The following MAVS variants were observed in gnomAD, a reference collection of about 807,000 sequenced individuals.
MAVS encodes the protein mitochondrial antiviral signaling protein.
A neutral mutation model predicts 30.2 loss-of-function variants in MAVS; 20 were observed. The ratio of observed to expected loss-of-function variants is 0.66; its 90% CI spans 0.47 to 0.96. MAVS has a LOEUF of 0.96. Among genes scored for constraint, MAVS ranks in the 40% least tolerant of loss-of-function variants. The pLI, the probability that MAVS is intolerant of heterozygous loss-of-function variation, is 0.00. For synonymous variants in MAVS, 278 were observed against 293.9 expected (o/e 0.95, Z 0.55); for missense variants, 624 against 701.1 (o/e 0.89, Z 1.24).
chr20:3,852,430 T>A (rs915595076), intron 1 of MAVS, among the ~76,000 whole-genome samples: 1 of 152,184 alleles, frequency 6.6e-6, no homozygotes, highest in Non-Finnish European at 1.5e-5. Flanking sequence ...GATCCGATTA[T>A]TATCATGTTG....
In MAVS at chr20:3,867,184, G is replaced by A. The variant is rs549075964; in HGVS notation, c.*1037G>A. ...TGCAGCACAGGCAGCCTAGGCCTGC[G>A]TCCCAACCTGCCTCTCACCAGCTCT... On this transcript the variant is annotated 3_prime_UTR_variant, in exon 7 of 7. Transcript: ENST00000428216. The A allele has an allele frequency of 3.8e-4, 150 of 394,906 alleles. 1 individual carries two copies. The highest frequency in any genetic ancestry group is 2.6e-3 in the African/African-American group (126 of 48,596). 24.5% of individuals were successfully genotyped at this position (394,906 alleles called of 1,614,324 possible). A position where few individuals can be genotyped will look rare whatever the true frequency, so the allele number is the denominator to read the frequency against.
At chr20:3,860,240 T>C (rs1240082056) in intron 3 of MAVS, among the ~76,000 whole-genome samples, 4 of 151,354 alleles carry the variant, frequency 2.6e-5, no homozygotes, top group Admixed American at 2.0e-4. Context: ...CAATTCCTTT[T>C]TTTTTGAGAC....
intron 5 of MAVS, among the ~76,000 whole-genome samples, chr20:3,864,011 C>G (rs2089885811): frequency 6.6e-6 from 1 of 152,138 alleles, no homozygotes; most frequent in Non-Finnish European, 1.5e-5. Flanking sequence ...CTTCAGGCTC[C>G]TAGGTACCAT....
chr20:3,874,561 C>A lies in MAVS; in HGVS notation c.*8414C>A, dbSNP rs1413442051. On this transcript the variant is annotated 3_prime_UTR_variant, in exon 7 of 7. Coordinates refer to ENST00000428216, the MANE Select transcript of MAVS (RefSeq NM_020746.5). The stretch of plus-strand genomic sequence containing the variant: ...GGAGATTGTTGGCATGGGGACAGAG[C>A]GGACTAACTGGAGGGGCATCTTTGG... The A allele has an allele frequency of 9.0e-6, 2 of 221,146 alleles. No homozygotes were observed. Among genetic ancestry groups the A allele is most frequent in the Non-Finnish European group, 1.8e-5 (2 of 113,554 alleles). 13.7% of individuals were successfully genotyped at this position (221,146 alleles called of 1,614,324 possible).
chr20:3,868,899 T>C lies in MAVS; in HGVS notation c.*2752T>C, dbSNP rs577116008. ...ACTCTGTCTCAAAGAAAAAAAATTA[T>C]AATTTTAGCACAGTAACCAGCCATG... On this transcript the variant is annotated 3_prime_UTR_variant, in exon 7 of 7. Transcript: ENST00000428216. 1.3e-5 allele frequency: 2 copies of C among 152,362 alleles called. No individual in the cohort carries two copies. The highest frequency in any genetic ancestry group is 4.8e-5 in the African/African-American group (2 of 41,552). 9.4% of individuals were successfully genotyped at this position (152,362 alleles called of 1,614,324 possible). A position where few individuals can be genotyped will look rare whatever the true frequency, so the allele number is the denominator to read the frequency against.
At position 3,870,812 on chromosome 20, in the gene MAVS, A is replaced by G. The variant is rs2089949151; in HGVS notation, c.*4665A>G. 6.6e-6 allele frequency: 1 copy of G among 152,038 alleles called. No individual in the cohort carries two copies. Among genetic ancestry groups the G allele is most frequent in the African/African-American group, 2.4e-5 (1 of 41,356 alleles). 9.4% of individuals were successfully genotyped at this position (152,038 alleles called of 1,614,324 possible). ...CAAATCCCCATGAGCCCATCACCCAACTTCAGTAATTATCAATTCATGGCC... is the reference window on the plus strand; with the variant it reads ...CAAATCCCCATGAGCCCATCACCCAGCTTCAGTAATTATCAATTCATGGCC... On this transcript the variant is annotated 3_prime_UTR_variant, in exon 7 of 7. Coordinates refer to ENST00000428216, the MANE Select transcript of MAVS (RefSeq NM_020746.5).
rs999300710 is a variant in MAVS, at chr20:3,868,107, C to T, written c.*1960C>T. On this transcript the variant is annotated 3_prime_UTR_variant, in exon 7 of 7. Coordinates refer to ENST00000428216, the MANE Select transcript of MAVS (RefSeq NM_020746.5). ...CCTAATGATCTCTATCTCTGAACAT[C>T]TCTTCATCCCATGCTCCAAGTCCAG... is the stretch of plus-strand genomic sequence containing the variant. 1 of 152,452 alleles carries T rather than the reference C, an allele frequency of 6.6e-6. No homozygotes were observed. Among genetic ancestry groups the T allele is most frequent in the African/African-American group, 2.4e-5 (1 of 41,408 alleles). The allele number at this position is 152,452 out of a possible 1,614,324, so 9.4% of individuals were successfully genotyped here.
At chr20:3,855,617 C>T (rs2089802771) in intron 2 of MAVS, among the ~76,000 whole-genome samples, 1 of 152,170 alleles carries the variant, frequency 6.6e-6, no homozygotes, top group South Asian at 2.1e-4. Flanking sequence ...GCCTCCTGTC[C>T]TCAGATTTCT....
rs967218575 is a variant in MAVS, at chr20:3,871,101, G to A, written c.*4954G>A. ...TCACCATGTTGGCCAGGCTGGTCTC[G>A]AACTCCTGACCTCAAGTGATCCGCC... On this transcript the variant is annotated 3_prime_UTR_variant, in exon 7 of 7. Coordinates refer to ENST00000428216, the MANE Select transcript of MAVS (RefSeq NM_020746.5). The A allele has an allele frequency of 2.6e-5, 4 of 153,690 alleles. No individual in the cohort carries two copies. The highest frequency in any genetic ancestry group is 4.8e-5 in the African/African-American group (2 of 41,424). 9.5% of individuals were successfully genotyped at this position (153,690 alleles called of 1,614,324 possible).
At chr20:3,856,118 GATCT>G (rs2089807836) in intron 2 of MAVS, among the ~76,000 whole-genome samples, 2 of 150,346 alleles carry the variant, frequency 1.3e-5, no homozygotes, top group African/African-American at 4.9e-5. Flanking sequence ...GCAGTGGTGT[GATCT>G]CGGCTCACTG....
intron 3 of MAVS, among the ~76,000 whole-genome samples, chr20:3,858,395 G>A (rs6052127): frequency 0.48 from 72,836 of 151,978 alleles, 20,153 homozygotes; most frequent in African/African-American, 0.75. Context: ...AGACATGGGA[G>A]GAGGCTGGGC....
rs138415196 is a variant in MAVS at position 3,861,426 on chromosome 20, C to T, written c.387C>T (p.Pro129=). The T allele has an allele frequency of 1.2e-6, 2 of 1,614,150 alleles. No individual in the cohort carries two copies. Among genetic ancestry groups the T allele is most frequent in the East Asian group, 2.2e-5 (1 of 44,882 alleles). ...CACCTGCTGCGGCCCACAGCATCCC[C>T]TACAACAGCTGCAGAGAGAAGGAGC... ...PPTPAAAHSI[P]YNSCREKEPS... Residue 129 remains proline, a synonymous_variant, in exon 4 of 7, where the codon CCC becomes CCT. Coordinates refer to ENST00000428216, the MANE Select transcript of MAVS (RefSeq NM_020746.5).
rs930191547 is a variant in MAVS at position 3,866,605 on chromosome 20, C to G, written c.*458C>G. On this transcript the variant is annotated 3_prime_UTR_variant, in exon 7 of 7. Transcript: ENST00000428216. Reference sequence around the variant, plus strand: ...CGACTCCACAAGACCTGCCTCCCATCCTGGCAGCCCAGCCTGAGACCGTTG... The same window carrying G: ...CGACTCCACAAGACCTGCCTCCCATGCTGGCAGCCCAGCCTGAGACCGTTG... 4 of 351,560 alleles carry G rather than the reference C, an allele frequency of 1.1e-5. No individual in the cohort carries two copies. The highest frequency in any genetic ancestry group is 8.6e-5 in the African/African-American group (4 of 46,716). The allele number at this position is 351,560 out of a possible 1,614,324, so 21.8% of individuals were successfully genotyped here.
At chr20:3,863,791 C>T (rs762932924) in intron 5 of MAVS, among the ~76,000 whole-genome samples, 7 of 152,092 alleles carry the variant, frequency 4.6e-5, no homozygotes, top group South Asian at 4.1e-4. Flanking sequence ...CCAGGCCTCT[C>T]GGCTGGTGTG....
Position 3,861,342 on chromosome 20 carries a change from C to A in MAVS, c.303C>A (p.Asp101Glu). The A allele has an allele frequency of 6.2e-7, 1 of 1,612,508 alleles. No individual in the cohort carries two copies. Among genetic ancestry groups the A allele is most frequent in the Non-Finnish European group, 8.5e-7 (1 of 1,179,200 alleles). Residue 101 changes from aspartate (D) to glutamate (E), a missense_variant, in exon 4 of 7, where the codon GAC becomes GAA. Asp to Glu is a conservative substitution (Grantham distance 45). Coordinates refer to ENST00000428216, the MANE Select transcript of MAVS (RefSeq NM_020746.5). ...VYQSYQPRTS[D>E]RPPDPLEPPS... ...ATCTTTGTCCTCTAGGGACCTCGGA[C>A]CGTCCCCCAGACCCACTGGAGCCAC...
intron 1 of MAVS, among the ~76,000 whole-genome samples, chr20:3,851,985 G>T (rs2089763772): frequency 8.6e-6 from 1 of 116,664 alleles, no homozygotes; most frequent in Non-Finnish European, 1.6e-5. Context: ...TGTATGTGTA[G>T]CAGGCTTTTT....
At chr20:3,864,015 G>A (rs2089885858) in intron 5 of MAVS, among the ~76,000 whole-genome samples, 1 of 152,134 alleles carries the variant, frequency 6.6e-6, no homozygotes. Context: ...AGGCTCCTAG[G>A]TACCATTTCA....
intron 1 of MAVS, among the ~76,000 whole-genome samples, chr20:3,852,733 T>G (rs1307186121): frequency 6.6e-6 from 1 of 152,050 alleles, no homozygotes; most frequent in African/African-American, 2.4e-5. Context: ...TCTCGCTGTG[T>G]TGCCCAGGCT....
At position 3,864,452 on chromosome 20, in the gene MAVS, G is replaced by A. The variant is rs751895176; in HGVS notation, c.822G>A (p.Glu274=). 1.2e-6 allele frequency: 2 copies of A among 1,613,878 alleles called. No homozygotes were observed. Among genetic ancestry groups the A allele is most frequent in the Non-Finnish European group, 1.7e-6 (2 of 1,180,022 alleles). ...CTGCAGAGGGTAAACAGGGTGCAGA[G>A]AGTGACCAGGCCGAGCCTATCATCT... ...AGAAEGKQGA[E]SDQAEPIICS... The change falls in exon 6 of 7, where the codon GAG becomes GAA. Residue 274 remains glutamate (E), a synonymous_variant. Coordinates refer to ENST00000428216, the MANE Select transcript of MAVS (RefSeq NM_020746.5).
Sources: allele counts gnomAD v4.1 joint callset (sites outside exome capture counted in the v4.1 genomes callset), GRCh38; gene constraint gnomAD v4.1.1; transcripts MANE v1.5; gene names NCBI Gene and HGNC (gene_info 2026-07-23, HGNC 2026-07-21).